The following BMP5 variants were observed in gnomAD, a reference collection of about 807,000 sequenced individuals.
BMP5 encodes the protein bone morphogenetic protein 5.
In BMP5, 23 loss-of-function variants were observed where a neutral mutation model predicts 46.6. The ratio of observed to expected loss-of-function variants is 0.49; its 90% CI spans 0.35 to 0.70. The LOEUF (loss-of-function observed/expected upper bound fraction) is 0.70. BMP5 is among the 30% of genes least tolerant of loss of function. The probability of loss-of-function intolerance (pLI) is 0.00; values close to 1 mark genes in which losing one functional copy is unlikely to be tolerated. For synonymous variants in BMP5, 204 were observed against 191.9 expected (o/e 1.06, Z -0.52); for missense variants, 545 against 565.6 (o/e 0.96, Z 0.37).
intron 1 of BMP5, among the ~76,000 whole-genome samples, chr6:55,849,438 T>A (rs533503598): frequency 6.6e-6 from 1 of 152,046 alleles, no homozygotes; most frequent in South Asian, 2.1e-4. Context: ...AAGAAATCTC[T>A]GAAAAACTGG....
intron 2 of BMP5, among the ~76,000 whole-genome samples, chr6:55,817,540 A>T (rs1486135536): frequency 6.6e-6 from 1 of 152,072 alleles, no homozygotes; most frequent in Non-Finnish European, 1.5e-5. Flanking sequence ...CATAGGTGGG[A>T]ATTGAACAAT....
Position 55,823,260 on chromosome 6 carries a change from C to A in BMP5, c.491-3413G>T, listed in dbSNP as rs1290962219. The stretch of plus-strand genomic sequence containing the variant: ...GTTTAAACAATGTCTTTCAGCAGTA[C>A]ACAAAAAAGTGAAGAACAGAATAAG... On this transcript the variant is annotated intron_variant, in intron 1 of 6. Coordinates refer to ENST00000370830, the MANE Select transcript of BMP5 (RefSeq NM_021073.4). Among the ~76,000 whole-genome samples, 2 of 151,948 alleles carry A rather than the reference C, an allele frequency of 1.3e-5. 1 individual carries two copies. The highest frequency in any genetic ancestry group is 2.9e-5 in the Non-Finnish European group (2 of 67,938).
intron 1 of BMP5, among the ~76,000 whole-genome samples, chr6:55,850,771 T>C (rs1777222296): frequency 6.6e-6 from 1 of 152,196 alleles, no homozygotes; most frequent in Non-Finnish European, 1.5e-5. Flanking sequence ...CTGCAGGCTG[T>C]TTAGCATAGT....
At chr6:55,844,834 T>C (rs550765146) in intron 1 of BMP5, among the ~76,000 whole-genome samples, 2 of 152,096 alleles carry the variant, frequency 1.3e-5, no homozygotes, top group African/African-American at 4.8e-5. Flanking sequence ...AAAGTAATAA[T>C]GTTGTTTAGA....
chr6:55,817,700 T>C (rs1776310059), intron 2 of BMP5, among the ~76,000 whole-genome samples: 2 of 151,880 alleles, frequency 1.3e-5, no homozygotes, highest in Non-Finnish European at 2.9e-5. Flanking sequence ...TGTATACATA[T>C]GTAACGAACC....
chr6:55,774,011 ACT>A, intron 4 of BMP5, 36 bp downstream of exon 4: 3 of 1,603,356 alleles, frequency 1.9e-6, no homozygotes, highest in South Asian at 2.2e-5. Context: ...CGACCCCATA[ACT>A]CTCTGTGCAT....
chr6:55,765,710 C>A (rs1236433445), intron 4 of BMP5, among the ~76,000 whole-genome samples: 1 of 152,154 alleles, frequency 6.6e-6, no homozygotes, highest in Non-Finnish European at 1.5e-5. Flanking sequence ...CATTTACACA[C>A]AAGCCAGTAA....
chr6:55,807,235 T>C (rs1685869637), intron 2 of BMP5, among the ~76,000 whole-genome samples: 2 of 151,548 alleles, frequency 1.3e-5, no homozygotes, highest in Admixed American at 1.3e-4. Context: ...TATTTTGAGA[T>C]TTTTTCATCA....
At chr6:55,835,074 G>A (rs1312899013) in intron 1 of BMP5, among the ~76,000 whole-genome samples, 11 of 146,002 alleles carry the variant, frequency 7.5e-5, no homozygotes, top group Non-Finnish European at 1.5e-4. Context: ...CAACAAGAGT[G>A]AAACTCCATC....
At chr6:55,799,177 T>C (rs991806491) in intron 2 of BMP5, among the ~76,000 whole-genome samples, 3 of 152,168 alleles carry the variant, frequency 2.0e-5, no homozygotes, top group Admixed American at 6.5e-5. Context: ...AAATGTTTGA[T>C]CAAGACCAAG....
At chr6:55,757,566 C>T (rs1319083852) in intron 6 of BMP5, among the ~76,000 whole-genome samples, 1 of 152,030 alleles carries the variant, frequency 6.6e-6, no homozygotes, top group East Asian at 1.9e-4. Flanking sequence ...CCTACCTACA[C>T]TCCATACTCC....
chr6:55,846,966 C>A (rs1275391733), intron 1 of BMP5, among the ~76,000 whole-genome samples: 1 of 150,964 alleles, frequency 6.6e-6, no homozygotes, highest in Non-Finnish European at 1.5e-5. Context: ...AAAGTGGCTT[C>A]AATATGAAAT....
intron 1 of BMP5, among the ~76,000 whole-genome samples, chr6:55,849,450 A>G (rs987496267): frequency 6.6e-6 from 1 of 152,044 alleles, no homozygotes; most frequent in African/African-American, 2.4e-5. Flanking sequence ...AAAAACTGGC[A>G]ATTTACTAAC....
chr6:55,874,640 A>G lies in BMP5; in HGVS notation c.226T>C (p.Ser76Pro). The G allele has an allele frequency of 6.2e-7, 1 of 1,613,642 alleles. No homozygotes were observed. Among genetic ancestry groups the G allele is most frequent in the Non-Finnish European group, 8.5e-7 (1 of 1,179,722 alleles). ...AGATCCAGCATAAAGAGAGGTGCAG[A>G]GGACGCTTGTTTTCCAGGTGAAAAT... The part of the protein sequence containing the change: ...RPFSPGKQAS[S>P]APLFMLDLYN... Residue 76 changes from serine (S) to proline (P), a missense_variant, in exon 1 of 7, where the codon TCT (serine) becomes CCT (proline). Transcript: ENST00000370830.
At chr6:55,837,758 C>G (rs1312588441) in intron 1 of BMP5, among the ~76,000 whole-genome samples, 1 of 152,034 alleles carries the variant, frequency 6.6e-6, no homozygotes, top group South Asian at 2.1e-4. Context: ...TTCATTCTTT[C>G]TATTTTTTTG....
chr6:55,771,468 T>G (rs934088943), intron 4 of BMP5, among the ~76,000 whole-genome samples: 3 of 151,840 alleles, frequency 2.0e-5, no homozygotes, highest in African/African-American at 4.8e-5. Flanking sequence ...CTGGAAGTAA[T>G]GGTTCTATAT....
At chr6:55,770,939 A>G (rs1234886578) in intron 4 of BMP5, among the ~76,000 whole-genome samples, 1 of 151,936 alleles carries the variant, frequency 6.6e-6, no homozygotes, top group Non-Finnish European at 1.5e-5. Flanking sequence ...ACCAATAAAT[A>G]TCAAAGATCA....
At chr6:55,836,419 T>C (rs1374069668) in intron 1 of BMP5, among the ~76,000 whole-genome samples, 1 of 152,082 alleles carries the variant, frequency 6.6e-6, no homozygotes, top group Non-Finnish European at 1.5e-5. Flanking sequence ...AGAAACCTTT[T>C]TCTATTACTC....
intron 2 of BMP5, 151 bp downstream of exon 2, chr6:55,819,504 G>A (rs533899706): frequency 1.2e-5 from 8 of 686,208 alleles, no homozygotes; most frequent in African/African-American, 1.1e-4. Flanking sequence ...ATCGATTACG[G>A]TTACCTTTCA....
Sources: allele counts gnomAD v4.1 joint callset (sites outside exome capture counted in the v4.1 genomes callset), GRCh38; gene constraint gnomAD v4.1.1; transcripts MANE v1.5; gene names NCBI Gene and HGNC (gene_info 2026-07-23, HGNC 2026-07-21).